The following TTC28 variants were observed in gnomAD, a reference collection of about 807,000 sequenced individuals.
TTC28 encodes the protein tetratricopeptide repeat domain 28, also known as tetratricopeptide repeat protein 28.
TTC28 carries 61 observed loss-of-function variants against 198.0 expected under a neutral mutation model. That is an observed-to-expected ratio of 0.31 (90% CI 0.25 to 0.38). The LOEUF (loss-of-function observed/expected upper bound fraction) is 0.38, where lower values mean the gene tolerates loss of function less well. TTC28 is among the 10% of genes least tolerant of loss of function. TTC28 has a pLI of 1.00. For synonymous variants in TTC28, 1,171 were observed against 1,297.8 expected (o/e 0.90, Z 2.10); for missense variants, 2,678 against 3,164.0 (o/e 0.85, Z 3.69).
intron 6 of TTC28, among the ~76,000 whole-genome samples, chr22:28,148,070 A>G (rs1327933838): frequency 1.2e-4 from 18 of 152,218 alleles, no homozygotes; most frequent in African/African-American, 4.3e-4. Context: ...CATTTTAGTC[A>G]TGCTTTGTAA....
intron 5 of TTC28, among the ~76,000 whole-genome samples, chr22:28,255,877 T>A (rs1930873567): frequency 6.6e-6 from 1 of 152,080 alleles, no homozygotes; most frequent in African/African-American, 2.4e-5. Context: ...AAATGACTAT[T>A]TTTGGATTGT....
chr22:27,985,633 A>G, intron 21 of TTC28: 1 of 318,966 alleles, frequency 3.1e-6, no homozygotes, highest in Non-Finnish European at 6.2e-6. Flanking sequence ...GGAAAGCACT[A>G]TGGACCAGAA....
intron 2 of TTC28, among the ~76,000 whole-genome samples, chr22:28,410,082 C>T (rs903845340): frequency 6.6e-5 from 10 of 151,800 alleles, no homozygotes; most frequent in African/African-American, 2.4e-4. Context: ...CCATCACAAC[C>T]GGTTGATTTT....
chr22:28,204,032 T>C (rs1036081591), intron 5 of TTC28, among the ~76,000 whole-genome samples: 7 of 152,222 alleles, frequency 4.6e-5, no homozygotes, highest in Admixed American at 2.0e-4. Flanking sequence ...ACTTCACCCA[T>C]TCTTCATGAT....
At chr22:28,589,598 G>A (rs900815680) in intron 2 of TTC28, among the ~76,000 whole-genome samples, 4 of 152,108 alleles carry the variant, frequency 2.6e-5, no homozygotes, top group Non-Finnish European at 5.9e-5. Flanking sequence ...GGGTTGCCTG[G>A]TTGTGAGTCA....
chr22:28,217,036 T>C (rs559782673), intron 5 of TTC28, among the ~76,000 whole-genome samples: 2 of 152,266 alleles, frequency 1.3e-5, no homozygotes, highest in South Asian at 2.1e-4. Flanking sequence ...ATAATAAACA[T>C]TTCATGTGAT....
intron 2 of TTC28, among the ~76,000 whole-genome samples, chr22:28,617,069 C>T (rs1187952956): frequency 6.6e-6 from 1 of 152,074 alleles, no homozygotes; most frequent in Non-Finnish European, 1.5e-5. Context: ...AAGAACATAA[C>T]CATTTCTGTA....
intron 6 of TTC28, among the ~76,000 whole-genome samples, chr22:28,152,790 C>T (rs1057267018): frequency 2.6e-5 from 4 of 152,084 alleles, no homozygotes; most frequent in South Asian, 2.1e-4. Context: ...GGCCTCTTTC[C>T]GTAGAAAGAT....
At chr22:28,642,210 TAATAAAAAA>T (rs557427885) in intron 1 of TTC28, among the ~76,000 whole-genome samples, 9 of 147,626 alleles carry the variant, frequency 6.1e-5, no homozygotes, top group Non-Finnish European at 9.0e-5. Context: ...TAAATTTGAT[TAATAAAAAA>T]AAAAAAAAGT....
chr22:27,982,891 A>T lies in TTC28; in HGVS notation c.6776T>A (p.Ile2259Asn), dbSNP rs762726826. 1.9e-6 allele frequency: 3 copies of T among 1,551,228 alleles called. No individual in the cohort carries two copies. Among genetic ancestry groups the T allele is most frequent in the South Asian group, 2.4e-5 (2 of 84,032 alleles). The change falls in exon 23 of 23, where the codon ATC becomes AAC. Residue 2259 changes from isoleucine (I) to asparagine (N), a missense_variant. Ile to Asn is a moderately radical substitution (Grantham distance 149). Transcript: ENST00000397906. This position sits in a 1 kb window ranked among gnomAD's most constrained non-coding sequence, Gnocchi z 5.2. ...YSSPTTSEMSIKDSPSQHSGR... is the reference protein window; with the variant it reads ...YSSPTTSEMSNKDSPSQHSGR... ...ACTGTGCTGGCTCGGGCTGTCTTTG[A>T]TGGACATCTCTGAGGTGGTGGGGCT...
At chr22:28,331,912 G>C (rs1312281028) in intron 2 of TTC28, among the ~76,000 whole-genome samples, 1 of 152,084 alleles carries the variant, frequency 6.6e-6, no homozygotes, top group Admixed American at 6.6e-5. Context: ...TATCAATAAA[G>C]TGGATTTATC....
intron 5 of TTC28, among the ~76,000 whole-genome samples, chr22:28,206,628 AT>A (rs1926431298): frequency 6.6e-6 from 1 of 152,176 alleles, no homozygotes; most frequent in South Asian, 2.1e-4. Context: ...CTGTTAAATC[AT>A]TTAAGAACTA....
At chr22:28,519,609 G>A (rs1173987843) in intron 2 of TTC28, among the ~76,000 whole-genome samples, 1 of 152,200 alleles carries the variant, frequency 6.6e-6, no homozygotes, top group Non-Finnish European at 1.5e-5. Context: ...GAGGAGGCAT[G>A]AAGAGGTAAC....
At chr22:28,014,430 T>G in intron 13 of TTC28, 38 bp from the exon 14 acceptor site, 2 of 1,524,752 alleles carry the variant, frequency 1.3e-6, no homozygotes, top group Non-Finnish European at 1.8e-6. Context: ...TCAGGGCCAC[T>G]CAGACAGGCA....
At chr22:28,026,378 C>A (rs994929202) in intron 13 of TTC28, among the ~76,000 whole-genome samples, 13 of 152,042 alleles carry the variant, frequency 8.6e-5, no homozygotes, top group African/African-American at 2.9e-4. Context: ...TGTGACCCAC[C>A]CAGCAGGACA....
At chr22:28,661,399 A>G (rs1468482068) in intron 1 of TTC28, among the ~76,000 whole-genome samples, 2 of 152,186 alleles carry the variant, frequency 1.3e-5, no homozygotes, top group African/African-American at 4.8e-5. Context: ...TATTAGTTTA[A>G]TAACAGCTTT....
chr22:28,277,382 G>C (rs763220292), intron 5 of TTC28, among the ~76,000 whole-genome samples: 1 of 152,138 alleles, frequency 6.6e-6, no homozygotes, highest in African/African-American at 2.4e-5. Flanking sequence ...TTTTTAGTGA[G>C]CTAAAACTGA....
intron 2 of TTC28, among the ~76,000 whole-genome samples, chr22:28,515,374 A>C (rs1462516613): frequency 6.6e-6 from 1 of 152,220 alleles, no homozygotes; most frequent in Non-Finnish European, 1.5e-5. Flanking sequence ...AAATTGGAGG[A>C]AAAAGCAACA....
At chr22:28,570,783 C>T (rs1251377262) in intron 2 of TTC28, among the ~76,000 whole-genome samples, 2 of 152,060 alleles carry the variant, frequency 1.3e-5, no homozygotes, top group Non-Finnish European at 2.9e-5. Context: ...ACAGTAAAAG[C>T]ATATGGAAGG....
Sources: allele counts gnomAD v4.1 joint callset (sites outside exome capture counted in the v4.1 genomes callset), GRCh38; gene constraint gnomAD v4.1.1; non-coding constraint Gnocchi (gnomAD v3.1); transcripts MANE v1.5; gene names NCBI Gene and HGNC (gene_info 2026-07-23, HGNC 2026-07-21).